Variants in CDH18 observed in about 807,000 individuals in gnomAD.
CDH18 encodes the protein cadherin 18.
Under a neutral mutation model 67.9 loss-of-function variants are expected in CDH18, and 31 were observed. That is an observed-to-expected ratio of 0.46 (90% CI 0.34 to 0.62). The LOEUF (loss-of-function observed/expected upper bound fraction) is 0.62. CDH18 is among the 20% of genes least tolerant of loss of function. CDH18 has a pLI of 0.01. For missense variants in CDH18, 890 were observed against 975.5 expected, an observed-to-expected ratio of 0.91 and a Z score of 1.17; for synonymous variants, 362 against 347.2, an observed-to-expected ratio of 1.04 and a Z score of -0.48.
At chr5:20,447,893 TA>T (rs1163681617) in intron 1 of CDH18, among the ~76,000 whole-genome samples, 1 of 152,124 alleles carries the variant, frequency 6.6e-6, no homozygotes, top group Non-Finnish European at 1.5e-5. Context: ...TATTTTATTT[TA>T]TTTTTTTTAA....
chr5:20,092,188 A>G (rs1745496829), intron 2 of CDH18, among the ~76,000 whole-genome samples: 1 of 152,158 alleles, frequency 6.6e-6, no homozygotes, highest in African/African-American at 2.4e-5. Context: ...GGAAAAACAT[A>G]TGGTCCACCA....
intron 8 of CDH18, among the ~76,000 whole-genome samples, chr5:19,551,236 A>T (rs1377865683): frequency 6.6e-6 from 1 of 152,190 alleles, no homozygotes; most frequent in Non-Finnish European, 1.5e-5. Flanking sequence ...CAGATATCAG[A>T]GGTAGTAACC....
intron 2 of CDH18, among the ~76,000 whole-genome samples, chr5:20,155,617 C>T (rs2126588654): frequency 6.6e-6 from 1 of 151,834 alleles, no homozygotes; most frequent in African/African-American, 2.4e-5. Context: ...GTTGTGTTTC[C>T]TTTGGAGGAC....
chr5:20,462,527 T>C (rs1000851456), intron 1 of CDH18, among the ~76,000 whole-genome samples: 1 of 152,162 alleles, frequency 6.6e-6, no homozygotes, highest in Non-Finnish European at 1.5e-5. Flanking sequence ...AAATGATAAA[T>C]ATCAAAGTGA....
intron 3 of CDH18, among the ~76,000 whole-genome samples, chr5:19,804,495 G>C (rs1182754962): frequency 2.6e-5 from 4 of 152,028 alleles, no homozygotes; most frequent in Admixed American, 2.0e-4. Context: ...CACTTTCGAG[G>C]GTTGGTCAAA....
chr5:20,379,803 C>A (rs76909628), intron 1 of CDH18, among the ~76,000 whole-genome samples: 5 of 108,548 alleles, frequency 4.6e-5, no homozygotes, highest in East Asian at 3.6e-4. Flanking sequence ...GAAAAAAAAA[C>A]ATTAAATTAT....
At chr5:20,137,083 T>C (rs534391525) in intron 2 of CDH18, among the ~76,000 whole-genome samples, 18 of 152,092 alleles carry the variant, frequency 1.2e-4, no homozygotes, top group Non-Finnish European at 2.6e-4. Context: ...TCTCAAGGAG[T>C]ATCTTTGTGG....
At chr5:19,653,942 T>A (rs1437634897) in intron 5 of CDH18, among the ~76,000 whole-genome samples, 1 of 152,192 alleles carries the variant, frequency 6.6e-6, no homozygotes, top group Non-Finnish European at 1.5e-5. Context: ...TTTATCACAT[T>A]TTCAAGCATA....
At chr5:20,554,952 C>A (rs1324713883) in intron 1 of CDH18, among the ~76,000 whole-genome samples, 3 of 152,126 alleles carry the variant, frequency 2.0e-5, no homozygotes, top group African/African-American at 7.2e-5. Flanking sequence ...GCAGCTCCAG[C>A]CATCATTTGA....
intron 1 of CDH18, among the ~76,000 whole-genome samples, chr5:20,325,638 GCTTTT>G (rs916022124): frequency 7.3e-5 from 11 of 151,334 alleles, no homozygotes; most frequent in Admixed American, 5.3e-4. Context: ...GCATTTATGT[GCTTTT>G]CTTTTCTGTC....
At chr5:20,501,531 T>A in intron 1 of CDH18, among the ~76,000 whole-genome samples, 1 of 109,504 alleles carries the variant, frequency 9.1e-6, no homozygotes, top group African/African-American at 3.4e-5. Flanking sequence ...ACATATTATA[T>A]ATATTATATA....
At chr5:19,851,488 G>C (rs1333142088) in intron 2 of CDH18, among the ~76,000 whole-genome samples, 1 of 147,052 alleles carries the variant, frequency 6.8e-6, no homozygotes, top group Non-Finnish European at 1.5e-5. Flanking sequence ...AAATGAATAT[G>C]CATATATAGT....
intron 2 of CDH18, among the ~76,000 whole-genome samples, chr5:20,170,172 C>T (rs1256850769): frequency 6.6e-6 from 1 of 151,932 alleles, no homozygotes; most frequent in Non-Finnish European, 1.5e-5. Flanking sequence ...GATGCTTTCC[C>T]TCTTCTTACC....
At chr5:20,373,165 G>A (rs567940725) in intron 1 of CDH18, among the ~76,000 whole-genome samples, 19 of 152,142 alleles carry the variant, frequency 1.2e-4, no homozygotes, top group Admixed American at 7.9e-4. Flanking sequence ...ATATCTCTCC[G>A]ATGCCTAAAA....
chr5:20,030,676 C>T (rs1439685800), intron 2 of CDH18, among the ~76,000 whole-genome samples: 1 of 152,122 alleles, frequency 6.6e-6, no homozygotes, highest in African/African-American at 2.4e-5. Context: ...TAGACATACT[C>T]AGATGTGAAT....
chr5:20,356,212 G>A (rs570689207), intron 1 of CDH18, among the ~76,000 whole-genome samples: 21 of 152,180 alleles, frequency 1.4e-4, no homozygotes, highest in African/African-American at 3.6e-4. Flanking sequence ...GTAAAACACC[G>A]TCTCTACTAA....
intron 2 of CDH18, among the ~76,000 whole-genome samples, chr5:19,960,595 A>ATATATACACACACGTG (rs1796721043): frequency 7.2e-6 from 1 of 139,340 alleles, no homozygotes; most frequent in African/African-American, 2.9e-5. Flanking sequence ...GTGTGTATAT[A>ATATATACACACACGTG]TATATATACA....
chr5:20,378,964 A>T (rs557618328), intron 1 of CDH18, among the ~76,000 whole-genome samples: 44 of 152,246 alleles, frequency 2.9e-4, no homozygotes, highest in Admixed American at 2.0e-3. Context: ...ACCTTCTGGA[A>T]AAGATTGCAC....
intron 5 of CDH18, among the ~76,000 whole-genome samples, chr5:19,642,526 A>G (rs899939959): frequency 1.3e-5 from 2 of 152,062 alleles, no homozygotes; most frequent in Non-Finnish European, 2.9e-5. Flanking sequence ...AAATTCAGTG[A>G]TCTACGGCTA....
Sources: gnomAD v4.1 joint callset for allele counts (sites outside exome capture counted in the v4.1 genomes callset) on GRCh38, gnomAD v4.1.1 for gene constraint, MANE v1.5 for transcripts, NCBI Gene and HGNC (gene_info 2026-07-23, HGNC 2026-07-21) for gene names.